The following NCKAP5 variants were observed in gnomAD, a reference collection of about 807,000 sequenced individuals.
NCKAP5 encodes the protein NCK associated protein 5.
In NCKAP5, 92 loss-of-function variants were observed where a neutral mutation model predicts 167.0. The ratio of observed to expected loss-of-function variants is 0.55; its 90% CI spans 0.47 to 0.66. The LOEUF (loss-of-function observed/expected upper bound fraction) is 0.66. Ranked by LOEUF, NCKAP5 falls within the 30% of genes least tolerant of loss-of-function variation. NCKAP5 has a pLI of 0.00. For missense variants in NCKAP5, 2,378 were observed against 2,315.0 expected (o/e 1.03, Z -0.56); for synonymous variants, 891 against 877.4 (o/e 1.02, Z -0.27).
intron 4 of NCKAP5, among the ~76,000 whole-genome samples, chr2:133,296,353 C>T (rs901184960): frequency 6.6e-5 from 10 of 152,000 alleles, no homozygotes; most frequent in South Asian, 2.1e-4. Flanking sequence ...CCACCCCCAC[C>T]GCCAAACTAT....
chr2:132,930,697 T>A (rs1385225902), intron 8 of NCKAP5: 1 of 152,204 alleles, frequency 6.6e-6, no homozygotes, highest in Non-Finnish European at 1.5e-5. Flanking sequence ...GTGAGCCAAT[T>A]CCCATATTAA....
intron 8 of NCKAP5, among the ~76,000 whole-genome samples, chr2:132,918,247 A>G (rs1022362351): frequency 2.6e-5 from 4 of 152,190 alleles, no homozygotes; most frequent in African/African-American, 9.7e-5. Flanking sequence ...CTGATGTCTC[A>G]GCCACAAGGA....
chr2:133,248,413 C>A (rs1263886683), intron 4 of NCKAP5, among the ~76,000 whole-genome samples: 1 of 152,222 alleles, frequency 6.6e-6, no homozygotes, highest in Non-Finnish European at 1.5e-5. Context: ...AGATGGAGAT[C>A]CTGGGCATGT....
chr2:133,290,225 C>T (rs543631023), intron 4 of NCKAP5, among the ~76,000 whole-genome samples: 1 of 152,178 alleles, frequency 6.6e-6, no homozygotes, highest in South Asian at 2.1e-4. Context: ...TACAATTGTT[C>T]TCTAATTTGC....
At position 133,475,240 on chromosome 2, in the gene NCKAP5, T is replaced by G. The variant is rs552446067; in HGVS notation, c.69+42218A>C. ...GAATTCAGCCCAAGGCCCATAAGTT[T>G]GCAACTATAGTGCTACTCCTTATTC... On this transcript the variant is annotated intron_variant, in intron 3 of 19. Coordinates refer to ENST00000409261, the MANE Select transcript of NCKAP5 (RefSeq NM_207363.3). Among the ~76,000 whole-genome samples the G allele has an allele frequency of 1.3e-4, 20 of 152,326 alleles. No homozygotes were observed. In the South Asian group the frequency reaches 3.7e-3, roughly 28 times the overall value.
At chr2:132,925,557 G>A (rs1184884920) in intron 8 of NCKAP5, among the ~76,000 whole-genome samples, 2 of 119,842 alleles carry the variant, frequency 1.7e-5, no homozygotes, top group Non-Finnish European at 3.2e-5. Flanking sequence ...GCGAGACTCC[G>A]TCTCAAAAAA....
At chr2:133,004,580 G>A (rs998858881) in intron 6 of NCKAP5, among the ~76,000 whole-genome samples, 1 of 152,136 alleles carries the variant, frequency 6.6e-6, no homozygotes, top group Non-Finnish European at 1.5e-5. Flanking sequence ...ATGCTTCATA[G>A]GGCAATAAAA....
intron 3 of NCKAP5, among the ~76,000 whole-genome samples, chr2:133,427,222 C>A (rs1689869290): frequency 6.6e-6 from 1 of 152,114 alleles, no homozygotes; most frequent in Non-Finnish European, 1.5e-5. Context: ...AACATAAAGA[C>A]TAAGATAACA....
At chr2:132,833,024 C>A (rs539957215) in intron 11 of NCKAP5, among the ~76,000 whole-genome samples, 1 of 152,240 alleles carries the variant, frequency 6.6e-6, no homozygotes, top group African/African-American at 2.4e-5. Flanking sequence ...TTTTTCTCTG[C>A]ATCCTTCACA....
chr2:133,658,460 C>T, the NCKAP5 span, among the ~76,000 whole-genome samples: 1 of 152,064 alleles, frequency 6.6e-6, no homozygotes, highest in Non-Finnish European at 1.5e-5. Flanking sequence ...CTCATCCATA[C>T]AAAGAAAGCA....
At chr2:133,101,950 C>G (rs2081527015) in intron 6 of NCKAP5, among the ~76,000 whole-genome samples, 1 of 152,040 alleles carries the variant, frequency 6.6e-6, no homozygotes, top group Non-Finnish European at 1.5e-5. Context: ...AAGCCAGGCT[C>G]AGCAGAGCAC....
rs997306217 is a variant in NCKAP5, at chr2:133,362,928, G to A, written c.70-59818C>T. 9.3e-5 allele frequency among the ~76,000 whole-genome samples: 14 copies of A among 150,684 alleles called. 1 individual carries two copies. Among genetic ancestry groups the A allele is most frequent in the South Asian group, 2.1e-4 (1 of 4,758 alleles). ...GCCACCATGCCAGGCTAGTTTTTTCGTTTTTTGTTTTTTTTTTTCGGTAGA... is the reference window on the plus strand; with the variant it reads ...GCCACCATGCCAGGCTAGTTTTTTCATTTTTTGTTTTTTTTTTTCGGTAGA... On this transcript the variant is annotated intron_variant, in intron 3 of 19. Coordinates refer to ENST00000409261, the MANE Select transcript of NCKAP5 (RefSeq NM_207363.3).
At chr2:133,210,042 A>T (rs1669349528) in intron 5 of NCKAP5, among the ~76,000 whole-genome samples, 1 of 151,834 alleles carries the variant, frequency 6.6e-6, no homozygotes, top group Admixed American at 6.6e-5. Context: ...GTGAGCACTT[A>T]TAATCCCAGC....
intron 6 of NCKAP5, among the ~76,000 whole-genome samples, chr2:133,001,978 G>T (rs2077797940): frequency 6.6e-6 from 1 of 152,168 alleles, no homozygotes; most frequent in Admixed American, 6.5e-5. Flanking sequence ...ATCTTGAGAT[G>T]ATTCAAAGTA....
At chr2:132,948,474 C>T (rs2076062957) in intron 8 of NCKAP5, among the ~76,000 whole-genome samples, 1 of 152,076 alleles carries the variant, frequency 6.6e-6, no homozygotes, top group South Asian at 2.1e-4. Flanking sequence ...GGGGCACAGG[C>T]AGGGAGGCAG....
chr2:133,392,154 C>T (rs1333631465), intron 3 of NCKAP5, among the ~76,000 whole-genome samples: 2 of 152,202 alleles, frequency 1.3e-5, no homozygotes, highest in African/African-American at 4.8e-5. Flanking sequence ...CAATGACAGA[C>T]CACATATTCA....
At chr2:133,384,304 T>G (rs1056681915) in intron 3 of NCKAP5, among the ~76,000 whole-genome samples, 69 of 152,218 alleles carry the variant, frequency 4.5e-4, no homozygotes, top group Non-Finnish European at 5.0e-4. Flanking sequence ...CACCATTTAT[T>G]AAATAGGGAA....
At chr2:133,518,344 A>AT (rs751025050) in intron 2 of NCKAP5, among the ~76,000 whole-genome samples, 28,607 of 73,508 alleles carry the variant, frequency 0.39, 9,159 homozygotes, top group Middle Eastern at 0.54. Flanking sequence ...ACAGTAAAGG[A>AT]TTTTTTTTTT....
At chr2:133,149,241 A>G (rs1256995926) in intron 5 of NCKAP5, among the ~76,000 whole-genome samples, 1 of 152,144 alleles carries the variant, frequency 6.6e-6, no homozygotes, top group Non-Finnish European at 1.5e-5. Flanking sequence ...TGATGTATTT[A>G]TGTCATTTGT....
Sources: gnomAD v4.1 joint callset for allele counts (sites outside exome capture counted in the v4.1 genomes callset) on GRCh38, gnomAD v4.1.1 for gene constraint, MANE v1.5 for transcripts, NCBI Gene and HGNC (gene_info 2026-07-23, HGNC 2026-07-21) for gene names.